CCDC85A: variants seen among roughly 807,000 people sequenced by gnomAD.
CCDC85A encodes the protein coiled-coil domain-containing protein 85A.
Under a neutral mutation model 50.2 loss-of-function variants are expected in CCDC85A, and 38 were observed. The observed-to-expected ratio is 0.76, with a 90% CI of 0.58 to 0.99. The LOEUF (loss-of-function observed/expected upper bound fraction) is 0.99. CCDC85A is among the 50% of genes least tolerant of loss of function. The probability of loss-of-function intolerance (pLI) is 0.00; values close to 1 mark genes in which losing one functional copy is unlikely to be tolerated. For missense variants in CCDC85A, 820 were observed against 742.0 expected, an observed-to-expected ratio of 1.11 and a Z score of -1.22; for synonymous variants, 366 against 301.4, an observed-to-expected ratio of 1.21 and a Z score of -2.22.
At chr2:56,189,150 G>C (rs965906862) in intron 1 of CCDC85A, among the ~76,000 whole-genome samples, 4 of 152,288 alleles carry the variant, frequency 2.6e-5, no homozygotes, top group Middle Eastern at 3.4e-3. Context: ...CGTAATCATA[G>C]CTCATAATTA....
At chr2:56,354,384 TA>T (rs1389326317) in intron 3 of CCDC85A, among the ~76,000 whole-genome samples, 1 of 152,194 alleles carries the variant, frequency 6.6e-6, no homozygotes, top group African/African-American at 2.4e-5. Context: ...AAGCTGCATA[TA>T]AATCAAAGTC....
rs1336192523 is a variant in CCDC85A at position 56,329,943 on chromosome 2, C to CTTTTTTTTTTTTTTTTTTTT, written c.1241-12935_1241-12934insTTTTTTTTTTTTTTTTTTTT. 8.7e-5 allele frequency among the ~76,000 whole-genome samples: 2 copies of CTTTTTTTTTTTTTTTTTTTT among 22,872 alleles called. 1 individual carries two copies. The highest frequency in any genetic ancestry group is 2.7e-3 in the East Asian group (2 of 746). 15.0% of individuals were successfully genotyped at this position (22,872 alleles called of 152,430 possible). On this transcript the variant is annotated intron_variant, in intron 2 of 5. Transcript: ENST00000407595. ...TGAAAATTTGTTTTTTACAGATTTC[C>CTTTTTTTTTTTTTTTTTTTT]TGTTTTTTTTTTTTTTTTTTTTTTT...
At chr2:56,335,298 T>G (rs1241703947) in intron 2 of CCDC85A, among the ~76,000 whole-genome samples, 1 of 152,130 alleles carries the variant, frequency 6.6e-6, no homozygotes, top group Non-Finnish European at 1.5e-5. Flanking sequence ...AGCCTGTGGA[T>G]AGTGGGATTC....
chr2:56,381,273 A>G (rs181659653), intron 5 of CCDC85A, among the ~76,000 whole-genome samples: 3,866 of 152,146 alleles, frequency 0.025, 60 homozygotes, highest in Middle Eastern at 0.065. Context: ...AAGATTTTCA[A>G]TTTGAATATT....
chr2:56,260,527 A>C (rs560937219), intron 2 of CCDC85A, among the ~76,000 whole-genome samples: 4 of 152,270 alleles, frequency 2.6e-5, no homozygotes, highest in Non-Finnish European at 4.4e-5. Context: ...CTCTAATGTC[A>C]TGGTAGCTTT....
intron 3 of CCDC85A, among the ~76,000 whole-genome samples, chr2:56,352,556 G>T (rs1367150705): frequency 3.9e-5 from 6 of 152,098 alleles, no homozygotes; most frequent in Non-Finnish European, 8.8e-5. Flanking sequence ...ATGTTGGCCA[G>T]GGTGGTCTCA....
intron 2 of CCDC85A, among the ~76,000 whole-genome samples, chr2:56,284,377 T>C (rs1671335638): frequency 1.3e-5 from 2 of 152,200 alleles, no homozygotes; most frequent in African/African-American, 4.8e-5. Flanking sequence ...GTTCAAATCT[T>C]CTTATTTTTT....
intron 2 of CCDC85A, among the ~76,000 whole-genome samples, chr2:56,323,229 C>T (rs1250478535): frequency 1.3e-5 from 2 of 152,078 alleles, no homozygotes; most frequent in African/African-American, 4.8e-5. Context: ...ACCAACATGG[C>T]GCATGTATAC....
At chr2:56,240,576 G>C (rs1669214260) in intron 2 of CCDC85A, among the ~76,000 whole-genome samples, 1 of 152,088 alleles carries the variant, frequency 6.6e-6, no homozygotes, top group African/African-American at 2.4e-5. Flanking sequence ...CCCTCCACCA[G>C]TAACACTTTC....
intron 2 of CCDC85A, among the ~76,000 whole-genome samples, chr2:56,306,886 T>C (rs1281112069): frequency 1.3e-5 from 2 of 152,150 alleles, no homozygotes; most frequent in Non-Finnish European, 2.9e-5. Context: ...TGATATGAGT[T>C]AATTTTTTTT....
intron 5 of CCDC85A, among the ~76,000 whole-genome samples, chr2:56,382,438 T>C (rs988324850): frequency 2.0e-5 from 3 of 151,974 alleles, no homozygotes; most frequent in African/African-American, 7.2e-5. Context: ...TGGGTTAGTA[T>C]GTAGTTAGCT....
At chr2:56,302,363 A>G (rs1389250614) in intron 2 of CCDC85A, among the ~76,000 whole-genome samples, 1 of 152,204 alleles carries the variant, frequency 6.6e-6, no homozygotes, top group East Asian at 1.9e-4. Context: ...AGATATTTGT[A>G]TGGGTAAGAT....
intron 2 of CCDC85A, among the ~76,000 whole-genome samples, chr2:56,333,527 A>G (rs533290862): frequency 7.2e-5 from 11 of 151,886 alleles, no homozygotes; most frequent in African/African-American, 2.7e-4. Context: ...TGGTGAGGCT[A>G]CTGCAGGGGT....
rs1435057396 is a variant in CCDC85A, at chr2:56,184,603, C to T, written c.-22C>T. On this transcript the variant is annotated 5_prime_UTR_variant, in exon 1 of 6. Coordinates refer to ENST00000407595, the MANE Select transcript of CCDC85A (RefSeq NM_001080433.2). ...TCGCCTCGCCTCTTCCACCCACTTG[C>T]ACCTGCCACCCCGCGGATACCATGT... is the stretch of plus-strand genomic sequence containing the variant. 3 of 1,410,012 alleles carry T rather than the reference C, an allele frequency of 2.1e-6. No individual in the cohort carries two copies. Among genetic ancestry groups the T allele is most frequent in the Admixed American group, 3.4e-5 (1 of 29,162 alleles). 87.3% of individuals were successfully genotyped at this position (1,410,012 alleles called of 1,614,324 possible).
At chr2:56,370,796 AC>A (rs1553419239) in intron 3 of CCDC85A, among the ~76,000 whole-genome samples, 1 of 152,140 alleles carries the variant, frequency 6.6e-6, no homozygotes, top group Non-Finnish European at 1.5e-5. Flanking sequence ...GCCTTGCTAC[AC>A]ATTAAGAAAG....
chr2:56,251,835 T>G (rs1398638067), intron 2 of CCDC85A, among the ~76,000 whole-genome samples: 1 of 152,132 alleles, frequency 6.6e-6, no homozygotes, highest in Non-Finnish European at 1.5e-5. Flanking sequence ...AAAAGAACCC[T>G]GAACAAGTGG....
Position 56,230,775 on chromosome 2 carries a change from C to T in CCDC85A, c.1240+37335C>T, listed in dbSNP as rs182588419. Among the ~76,000 whole-genome samples the T allele has an allele frequency of 1.2e-4, 18 of 152,272 alleles. No homozygotes were observed. The East Asian group carries it at 3.3e-3, about 28-fold the overall frequency. ...ACTTTGACTTGTTTATCATCTGAGC[C>T]CCTGTGAGTGCAGGTACGGTGTCTG... On this transcript the variant is annotated intron_variant, in intron 2 of 5. Coordinates refer to ENST00000407595, the MANE Select transcript of CCDC85A (RefSeq NM_001080433.2).
At chr2:56,316,674 T>C (rs1285868614) in intron 2 of CCDC85A, among the ~76,000 whole-genome samples, 1 of 152,052 alleles carries the variant, frequency 6.6e-6, no homozygotes, top group African/African-American at 2.4e-5. Context: ...TGTTGAGAAA[T>C]TTTTTAGTAA....
intron 2 of CCDC85A, among the ~76,000 whole-genome samples, chr2:56,200,543 A>G (rs1375466043): frequency 1.3e-5 from 2 of 152,208 alleles, no homozygotes; most frequent in Non-Finnish European, 2.9e-5. Context: ...TGCTCCTGAC[A>G]TAAATTGCTT....
Sources: allele counts gnomAD v4.1 joint callset (sites outside exome capture counted in the v4.1 genomes callset), GRCh38; gene constraint gnomAD v4.1.1; transcripts MANE v1.5; gene names NCBI Gene and HGNC (gene_info 2026-07-23, HGNC 2026-07-21).